The following GALNT6 variants were observed in gnomAD, a reference collection of about 807,000 sequenced individuals.
The protein encoded by GALNT6 is GalNAc transferase 6.
Under a neutral mutation model 65.9 loss-of-function variants are expected in GALNT6, and 51 were observed. The observed-to-expected ratio is 0.77, with a 90% CI of 0.62 to 0.98. The LOEUF is 0.98. Among genes scored for constraint, GALNT6 ranks in the 50% least tolerant of loss-of-function variants. The pLI, the probability that GALNT6 is intolerant of heterozygous loss-of-function variation, is 0.00. For synonymous variants in GALNT6, 323 were observed against 315.1 expected (o/e 1.02, Z -0.26); for missense variants, 708 against 803.3 (o/e 0.88, Z 1.43).
At chr12:51,391,027 C>A (rs1017139911) in intron 1 of GALNT6, 90 bp from the exon 2 acceptor site, 1 of 152,470 alleles carries the variant, frequency 6.6e-6, no homozygotes, top group Non-Finnish European at 1.5e-5. Context: ...CCCTTCCCAC[C>A]CCCAAAAGCC....
At chr12:51,358,892 T>G (rs1369973874) in intron 8 of GALNT6, among the ~76,000 whole-genome samples, 2 of 152,130 alleles carry the variant, frequency 1.3e-5, no homozygotes. Flanking sequence ...CCAAATCTCC[T>G]TTCCCTCCCT....
intron 4 of GALNT6, among the ~76,000 whole-genome samples, chr12:51,374,159 C>T (rs1947378837): frequency 6.6e-6 from 1 of 151,994 alleles, no homozygotes; most frequent in South Asian, 2.1e-4. Context: ...TGTGCTTGGC[C>T]TATTTTACTT....
At chr12:51,370,877 G>T (rs555859893) in intron 4 of GALNT6, among the ~76,000 whole-genome samples, 28 of 151,748 alleles carry the variant, frequency 1.8e-4, no homozygotes, top group Non-Finnish European at 2.9e-4. Flanking sequence ...AAAAAAAAAA[G>T]TTCCGGAGAT....
chr12:51,361,636 T>G (rs1946926676), intron 6 of GALNT6, among the ~76,000 whole-genome samples: 1 of 152,156 alleles, frequency 6.6e-6, no homozygotes, highest in Non-Finnish European at 1.5e-5. Flanking sequence ...AAACATCTAA[T>G]TCCTAGAATT....
chr12:51,355,690 A>G (rs1946723492), intron 11 of GALNT6, 116 bp downstream of exon 11: 1 of 902,736 alleles, frequency 1.1e-6, no homozygotes, highest in African/African-American at 1.7e-5. Context: ...GGTGGTCTCG[A>G]ACTCCTGACC....
chr12:51,359,130 A>G lies in GALNT6; in HGVS notation c.1368+2T>C. The G allele has an allele frequency of 1.2e-6, 2 of 1,611,052 alleles. No homozygotes were observed. Among genetic ancestry groups the G allele is most frequent in the South Asian group, 1.1e-5 (1 of 91,034 alleles). Reference sequence around the variant, plus strand: ...ACCTCTCCGAGAACCATTTCCTCTCACCTCTTGGGCCATCTTTGCTGCCTG... The same window carrying G: ...ACCTCTCCGAGAACCATTTCCTCTCGCCTCTTGGGCCATCTTTGCTGCCTG... On this transcript the variant is annotated splice_donor_variant, in intron 8 of 11. Coordinates refer to ENST00000356317, the MANE Select transcript of GALNT6 (RefSeq NM_007210.4). LOFTEE classifies it high-confidence loss of function.
At position 51,377,323 on chromosome 12, in the gene GALNT6, G is replaced by A. The variant is rs1409813266; in HGVS notation, c.536C>T (p.Thr179Ile). The A allele has an allele frequency of 5.0e-6, 8 of 1,612,918 alleles. No individual in the cohort carries two copies. In the Admixed American group the frequency reaches 1.2e-4, roughly 24 times the overall value. The part of the protein sequence containing the change: ...KFRRCPPLAT[T>I]SVIIVFHNEA... ...GTTGTGGAACACAATGATCACGCTG[G>A]TGGTGGCCAGTGGGGGGCAGCGCCG... The change falls in exon 4 of 12, where the codon ACC becomes ATC. Residue 179 changes from threonine (T) to isoleucine (I), a missense_variant. Thr to Ile is a moderately conservative substitution (Grantham distance 89). Transcript: ENST00000356317.
chr12:51,382,403 G>A (rs2137779387), intron 2 of GALNT6: 1 of 152,866 alleles, frequency 6.5e-6, no homozygotes, highest in Admixed American at 6.5e-5. Flanking sequence ...CAACATCTGT[G>A]AAGAAATCTC....
Position 51,358,084 on chromosome 12 carries a change from AG to A in GALNT6, c.1500+45del, listed in dbSNP as rs569103217. The A allele has an allele frequency of 1.5e-4, 238 of 1,582,180 alleles. 5 individuals are homozygous for A. The South Asian group carries it at 2.5e-3, about 17-fold the overall frequency. Reference sequence around the variant, plus strand: ...GGGTCAGTGGTCTTGAACTTCTCCAAGGGGTGCTGTGGTGATGGGCAGGCAG... The same window carrying A: ...GGGTCAGTGGTCTTGAACTTCTCCAAGGGTGCTGTGGTGATGGGCAGGCAG... On this transcript the variant is annotated intron_variant, in intron 9 of 11. Coordinates refer to ENST00000356317, the MANE Select transcript of GALNT6 (RefSeq NM_007210.4).
intron 8 of GALNT6, 140 bp downstream of exon 8, chr12:51,358,992 T>A (rs1946834561): frequency 1.4e-6 from 1 of 698,142 alleles, no homozygotes; most frequent in Non-Finnish European, 2.5e-6. Context: ...TCTCCTGGGC[T>A]CTAGCTCACA....
At chr12:51,377,496 C>A (rs1414852795) in intron 3 of GALNT6, 129 bp from the exon 4 acceptor site, 1 of 722,374 alleles carries the variant, frequency 1.4e-6, no homozygotes, top group Non-Finnish European at 2.4e-6. Flanking sequence ...TTCTCTATAG[C>A]AGGTGGGAAC....
intron 2 of GALNT6, chr12:51,383,344 G>A (rs4761936): frequency 0.65 from 98,517 of 152,064 alleles, 32,955 homozygotes; most frequent in Middle Eastern, 0.79. Flanking sequence ...TGCAGGCTTC[G>A]TCTTCCCTGC....
At chr12:51,384,190 A>G (rs565116563) in intron 2 of GALNT6, among the ~76,000 whole-genome samples, 3 of 152,202 alleles carry the variant, frequency 2.0e-5, no homozygotes, top group Non-Finnish European at 4.4e-5. Flanking sequence ...GATGCCAGAA[A>G]TCCTCTCTGA....
rs1434500316 is a variant in GALNT6, at chr12:51,387,031, G to T, written c.-104+3819C>A. On this transcript the variant is annotated intron_variant, in intron 2 of 11. Coordinates refer to ENST00000356317, the MANE Select transcript of GALNT6 (RefSeq NM_007210.4). The surrounding 1 kb of genome is among the most constrained non-coding windows in gnomAD (Gnocchi z 4.2). ...GTGGCTTATTTTCCCAGGAAGATAC[G>T]CTGAAAATTATTTCTGTAGCTAGTC... Among the ~76,000 whole-genome samples the T allele has an allele frequency of 6.6e-6, 1 of 152,040 alleles. No homozygotes were observed. The highest frequency in any genetic ancestry group is 1.5e-5 in the Non-Finnish European group (1 of 68,028).
chr12:51,371,334 C>T (rs567840642), intron 4 of GALNT6, among the ~76,000 whole-genome samples: 3 of 152,050 alleles, frequency 2.0e-5, no homozygotes, highest in East Asian at 3.9e-4. Context: ...TCTCTTGCCT[C>T]GGCCTCTCAA....
At chr12:51,385,627 C>T (rs957234219) in intron 2 of GALNT6, among the ~76,000 whole-genome samples, 3 of 152,022 alleles carry the variant, frequency 2.0e-5, no homozygotes, top group Non-Finnish European at 4.4e-5. Context: ...ATTCTAGCCC[C>T]CCTCCAAAAA....
Position 51,355,792 on chromosome 12 carries a change from G to A in GALNT6, c.1755+14C>T, listed in dbSNP as rs2137527230. 6.2e-7 allele frequency: 1 copy of A among 1,610,562 alleles called. No individual in the cohort carries two copies. Among genetic ancestry groups the A allele is most frequent in the South Asian group, 1.1e-5 (1 of 90,898 alleles). On this transcript the variant is annotated intron_variant, in intron 11 of 11. Transcript: ENST00000356317. ...TCAAGTTCTTGATTCTGAGCTTTCT[G>A]GACACTGACTCACCTGGGCCAATTC... is the stretch of plus-strand genomic sequence containing the variant.
chr12:51,368,027 T>C (rs560118826), intron 4 of GALNT6, among the ~76,000 whole-genome samples: 79 of 152,006 alleles, frequency 5.2e-4, no homozygotes, highest in Non-Finnish European at 1.0e-3. Context: ...ATTTTTTTTT[T>C]TTTTAATTTT....
rs1680497781 is a variant in GALNT6, at chr12:51,352,682, T to C, written c.*1697A>G. 6.6e-6 allele frequency: 1 copy of C among 152,228 alleles called. No individual in the cohort carries two copies. Among genetic ancestry groups the C allele is most frequent in the African/African-American group, 2.4e-5 (1 of 41,446 alleles). The allele number at this position is 152,228 out of a possible 1,614,324, so 9.4% of individuals were successfully genotyped here. On this transcript the variant is annotated 3_prime_UTR_variant, in exon 12 of 12. Transcript: ENST00000356317. ...TACCTGGCCCTGTTTTTCCTTTCTT[T>C]TTTTTGGAGATGGAGTTTTGCTCTT...
Sources: allele counts gnomAD v4.1 joint callset (sites outside exome capture counted in the v4.1 genomes callset), GRCh38; gene constraint gnomAD v4.1.1; non-coding constraint Gnocchi (gnomAD v3.1); transcripts MANE v1.5; gene names NCBI Gene and HGNC (gene_info 2026-07-23, HGNC 2026-07-21).